The following IQSEC1 variants were observed in gnomAD, a reference collection of about 807,000 sequenced individuals.
IQSEC1 encodes the protein IQ motif and SEC7 domain-containing protein 1.
A neutral mutation model predicts 91.0 loss-of-function variants in IQSEC1; 31 were observed. The observed-to-expected ratio is 0.34, with a 90% CI of 0.26 to 0.46. The LOEUF is 0.46. IQSEC1 is among the 20% of genes least tolerant of loss of function. The pLI is 1.00. For missense variants in IQSEC1, 1,388 were observed against 1,575.6 expected (o/e 0.88, Z 2.02); for synonymous variants, 699 against 662.6 (o/e 1.05, Z -0.84).
chr3:13,239,853 A>G (rs189044870), intron 1 of IQSEC1, among the ~76,000 whole-genome samples: 106 of 152,246 alleles, frequency 7.0e-4, no homozygotes, highest in African/African-American at 2.5e-3. Flanking sequence ...CCAGAGTTGG[A>G]TGGGGGCCCC....
chr3:12,964,420 T>C (rs1321442744), intron 1 of IQSEC1, among the ~76,000 whole-genome samples: 1 of 152,180 alleles, frequency 6.6e-6, no homozygotes, highest in African/African-American at 2.4e-5. Context: ...TGGGCGGATA[T>C]TCCACATGTC....
chr3:13,033,585 C>T (rs981434781), intron 1 of IQSEC1, among the ~76,000 whole-genome samples: 2 of 152,064 alleles, frequency 1.3e-5, no homozygotes, highest in Admixed American at 6.5e-5. Context: ...AAGACTGACA[C>T]GTCTCAAGAT....
intron 1 of IQSEC1, among the ~76,000 whole-genome samples, chr3:13,166,766 A>T (rs1198999863): frequency 1.3e-5 from 2 of 152,224 alleles, no homozygotes; most frequent in Non-Finnish European, 2.9e-5. Context: ...ACTGGAGCCC[A>T]GCTTGGGGCC....
chr3:13,235,519 C>A (rs1332900890), intron 1 of IQSEC1, among the ~76,000 whole-genome samples: 1 of 152,102 alleles, frequency 6.6e-6, no homozygotes, highest in Admixed American at 6.5e-5. Context: ...GGAGTGGGAG[C>A]ACCTCAGCAG....
intron 1 of IQSEC1, among the ~76,000 whole-genome samples, chr3:13,055,961 A>T (rs970988267): frequency 2.0e-5 from 3 of 152,074 alleles, no homozygotes; most frequent in African/African-American, 7.2e-5. Context: ...AGCACCACCG[A>T]GATGTCCCCC....
intron 1 of IQSEC1, among the ~76,000 whole-genome samples, chr3:12,982,958 G>C (rs370674284): frequency 1.3e-5 from 2 of 152,260 alleles, no homozygotes; most frequent in Non-Finnish European, 2.9e-5. Flanking sequence ...ACCCTGTCCT[G>C]AGGCTGCAGA....
chr3:12,977,567 T>G (rs942920476), intron 1 of IQSEC1, among the ~76,000 whole-genome samples: 1 of 152,182 alleles, frequency 6.6e-6, no homozygotes, highest in Non-Finnish European at 1.5e-5. Context: ...TTAGACACCG[T>G]GGCAGGGCCG....
intron 2 of IQSEC1, among the ~76,000 whole-genome samples, chr3:13,138,025 C>T (rs1171608039): frequency 2.0e-5 from 3 of 152,136 alleles, no homozygotes; most frequent in African/African-American, 7.2e-5. Context: ...TGTGCAGTGG[C>T]CAGAGACGCA....
chr3:13,027,256 C>T (rs1384140308), intron 1 of IQSEC1, among the ~76,000 whole-genome samples: 1 of 152,216 alleles, frequency 6.6e-6, no homozygotes, highest in African/African-American at 2.4e-5. Context: ...AGCTGGCATC[C>T]TGAGTTCCAC....
chr3:13,085,142 C>T (rs949585493), intron 2 of IQSEC1, among the ~76,000 whole-genome samples: 8 of 152,184 alleles, frequency 5.3e-5, no homozygotes, highest in Non-Finnish European at 5.9e-5. Context: ...ATGCCCCAAA[C>T]AGCCATATGA....
At chr3:13,238,664 A>G (rs1300190950) in intron 1 of IQSEC1, among the ~76,000 whole-genome samples, 5 of 152,232 alleles carry the variant, frequency 3.3e-5, no homozygotes, top group Admixed American at 3.3e-4. Flanking sequence ...AGGAGGGGTC[A>G]GCAACCTGGG....
chr3:12,925,473 G>T (rs1473984939), intron 3 of IQSEC1, among the ~76,000 whole-genome samples: 1 of 152,218 alleles, frequency 6.6e-6, no homozygotes, highest in Admixed American at 6.5e-5. Context: ...TGTAAACACT[G>T]AGGAAGTAGT....
chr3:13,074,510 G>A (rs1705530650), upstream of IQSEC1, among the ~76,000 whole-genome samples: 1 of 152,184 alleles, frequency 6.6e-6, no homozygotes, highest in African/African-American at 2.4e-5. Flanking sequence ...TCAGAGGCAT[G>A]TAGATAATAT....
intron 1 of IQSEC1, among the ~76,000 whole-genome samples, chr3:13,241,739 G>C (rs1413643475): frequency 1.3e-5 from 2 of 152,250 alleles, no homozygotes; most frequent in African/African-American, 4.8e-5. Context: ...GCAGGTCCTT[G>C]CCAGCTGGGC....
chr3:13,098,043 G>C (rs918314823), intron 2 of IQSEC1, among the ~76,000 whole-genome samples: 33 of 152,200 alleles, frequency 2.2e-4, no homozygotes, highest in African/African-American at 7.2e-4. Context: ...CAGATGTCTG[G>C]GGCAGTGGTG....
At position 12,900,995 on chromosome 3, in the gene IQSEC1, G is replaced by A. The variant is rs774784255; in HGVS notation, c.3333C>T (p.Ser1111=). The A allele has an allele frequency of 2.1e-4, 325 of 1,544,802 alleles. 2 individuals carry two copies. The highest frequency in any genetic ancestry group is 3.6e-5 in the Non-Finnish European group (41 of 1,146,820). ...TSSKAKPSGI[S]TIV is the part of the protein sequence containing the mutation. ...CTACCCAGGCTGTCTACACAATTGT[G>A]CTGATGCCGCTGGGTTTGGCCTTGC... The change falls in exon 14 of 14, where the codon AGC becomes AGT. Residue 1111 remains serine, a synonymous_variant. Transcript: ENST00000613206.
chr3:13,056,158 G>A (rs1335233910), intron 1 of IQSEC1, among the ~76,000 whole-genome samples: 2 of 152,192 alleles, frequency 1.3e-5, no homozygotes, highest in Non-Finnish European at 2.9e-5. Flanking sequence ...TCGGTGTCCT[G>A]TGGTCCTGAG....
intron 1 of IQSEC1, among the ~76,000 whole-genome samples, chr3:13,196,870 C>A (rs1694138699): frequency 6.6e-6 from 1 of 152,020 alleles, no homozygotes; most frequent in Non-Finnish European, 1.5e-5. Flanking sequence ...GTCTCTCAGG[C>A]CACACAGGCT....
intron 1 of IQSEC1, among the ~76,000 whole-genome samples, chr3:13,234,683 C>T (rs1335030086): frequency 6.6e-6 from 1 of 152,196 alleles, no homozygotes; most frequent in Non-Finnish European, 1.5e-5. Context: ...CATGCCCAGT[C>T]CCCAAATCCC....
Sources: allele counts gnomAD v4.1 joint callset (sites outside exome capture counted in the v4.1 genomes callset), GRCh38; gene constraint gnomAD v4.1.1; transcripts MANE v1.5; gene names NCBI Gene and HGNC (gene_info 2026-07-23, HGNC 2026-07-21).